ABR: variants seen among roughly 807,000 people sequenced by gnomAD.
The protein encoded by ABR is active breakpoint cluster region-related protein.
ABR carries 35 observed loss-of-function variants against 107.2 expected under a neutral mutation model. The ratio of observed to expected loss-of-function variants is 0.33; its 90% CI spans 0.25 to 0.43. The LOEUF is 0.43. Among genes scored for constraint, ABR ranks in the 20% least tolerant of loss-of-function variants. The pLI, the probability that ABR is intolerant of heterozygous loss-of-function variation, is 1.00. For missense variants in ABR, 815 were observed against 1,115.2 expected (o/e 0.73, Z 3.83); for synonymous variants, 498 against 462.0 (o/e 1.08, Z -1.00).
At chr17:1,138,956 TCAC>T (rs761710475) in intron 1 of ABR, among the ~76,000 whole-genome samples, 15 of 152,218 alleles carry the variant, frequency 9.9e-5, no homozygotes, top group Non-Finnish European at 1.8e-4. Context: ...TAAGCAGACT[TCAC>T]AAAAGTAAAA....
Position 1,179,433 on chromosome 17 carries a change from C to T in ABR, c.61+234G>A, listed in dbSNP as rs1052406753. On this transcript the variant is annotated intron_variant, in intron 1 of 22. Coordinates refer to ENST00000302538, the MANE Select transcript of ABR (RefSeq NM_021962.5). The surrounding 1 kb of genome is among the most constrained non-coding windows in gnomAD (Gnocchi z 4.9). ...GACCGCAGGAATCCTCTCTGGGGAC[C>T]CCCCGCCCGCGCCCCCCAGACCAGC... 5.9e-5 allele frequency among the ~76,000 whole-genome samples: 9 copies of T among 151,776 alleles called. No homozygotes were observed. Among genetic ancestry groups the T allele is most frequent in the Non-Finnish European group, 1.0e-4 (7 of 67,926 alleles).
intron 21 of ABR, among the ~76,000 whole-genome samples, chr17:1,008,207 G>T: frequency 6.6e-6 from 1 of 152,226 alleles, no homozygotes; most frequent in Admixed American, 6.5e-5. Flanking sequence ...GCTGCCATCA[G>T]GGCTGGTGTC....
intron 16 of ABR, among the ~76,000 whole-genome samples, chr17:1,016,671 C>T (rs1166596984): frequency 6.6e-6 from 1 of 152,040 alleles, no homozygotes; most frequent in African/African-American, 2.4e-5. Context: ...GTCTGCGCAC[C>T]CCGGGCCAAG....
At chr17:1,129,198 G>A (rs2009490) in intron 1 of ABR, among the ~76,000 whole-genome samples, 72,424 of 152,030 alleles carry the variant, frequency 0.48, 19,138 homozygotes, top group Non-Finnish European at 0.58. Context: ...AGGGCAAGGG[G>A]AGGGAGAGCA....
chr17:1,165,427 G>C (rs2151581284), intron 1 of ABR, among the ~76,000 whole-genome samples: 1 of 152,386 alleles, frequency 6.6e-6, no homozygotes, highest in African/African-American at 2.4e-5. Flanking sequence ...CCCCTGCCTG[G>C]CGCTGGGACC....
At chr17:1,115,730 G>T (rs2038954115) in intron 2 of ABR, among the ~76,000 whole-genome samples, 1 of 152,048 alleles carries the variant, frequency 6.6e-6, no homozygotes, top group Admixed American at 6.6e-5. Context: ...ATCAAGACCA[G>T]CCTGGCCAAC....
chr17:1,191,854 C>T (rs2042444566), upstream of ABR, among the ~76,000 whole-genome samples: 1 of 152,190 alleles, frequency 6.6e-6, no homozygotes, highest in Admixed American at 6.5e-5. Context: ...ACGACCGCTC[C>T]AGGAGCCACA....
At chr17:1,193,232 C>A (rs1024981727) in intron 1 of ABR, among the ~76,000 whole-genome samples, 2 of 151,938 alleles carry the variant, frequency 1.3e-5, no homozygotes, top group African/African-American at 4.8e-5. Context: ...AGCAGCTTTT[C>A]TTAGATCCAC....
intron 4 of ABR, among the ~76,000 whole-genome samples, chr17:1,086,455 G>A (rs2036596673): frequency 6.6e-6 from 1 of 151,532 alleles, no homozygotes; most frequent in South Asian, 2.1e-4. Context: ...GCTCCAAAAC[G>A]AACATGGGTT....
intron 2 of ABR, among the ~76,000 whole-genome samples, chr17:1,101,954 C>G (rs969830837): frequency 5.3e-5 from 8 of 152,080 alleles, no homozygotes; most frequent in South Asian, 2.1e-4. Flanking sequence ...AGGATGGTCT[C>G]GATCTCCTGA....
chr17:1,018,287 C>T lies in ABR; in HGVS notation c.1792-5123G>A, dbSNP rs1597385600. Among the ~76,000 whole-genome samples, 4 of 152,142 alleles carry T rather than the reference C, an allele frequency of 2.6e-5. No homozygotes were observed. In the South Asian group the frequency reaches 8.3e-4, roughly 32 times the overall value. On this transcript the variant is annotated intron_variant, in intron 16 of 22. Transcript: ENST00000302538. ...TTGATCTCCTGACCTCGTGATTCGC[C>T]CACCTCGGCCTCCCAAAGTGCTGGG...
rs923535886 is a variant in ABR, at chr17:1,150,015, G to A, written c.62-24648C>T. On this transcript the variant is annotated intron_variant, in intron 1 of 22. Transcript: ENST00000302538. This position sits in a 1 kb window ranked among gnomAD's most constrained non-coding sequence, Gnocchi z 4.8. ...AACAGGGCCTGGCACGTGGTATAAC[G>A]TTAGTGGCTGTTATTGTCGTCACTG... Among the ~76,000 whole-genome samples the A allele has an allele frequency of 1.1e-4, 16 of 152,098 alleles. No individual in the cohort carries two copies. The highest frequency in any genetic ancestry group is 3.6e-4 in the African/African-American group (15 of 41,416).
chr17:1,050,447 G>T lies in ABR; in HGVS notation c.1659+90C>A. On this transcript the variant is annotated intron_variant, in intron 15 of 22. Transcript: ENST00000302538. This position sits in a 1 kb window ranked among gnomAD's most constrained non-coding sequence, Gnocchi z 4.6. ...AGAAAGGGGGGTGCAGACATAGCTGGTCCAACCAATGGGCTGGCCGTCCCC... is the reference window on the plus strand; with the variant it reads ...AGAAAGGGGGGTGCAGACATAGCTGTTCCAACCAATGGGCTGGCCGTCCCC... The T allele has an allele frequency of 1.6e-6, 2 of 1,266,040 alleles. No individual in the cohort carries two copies. Among genetic ancestry groups the T allele is most frequent in the South Asian group, 1.2e-5 (1 of 83,694 alleles). 78.4% of individuals were successfully genotyped at this position (1,266,040 alleles called of 1,614,324 possible).
chr17:1,201,176 T>C (rs1365413941), intron 1 of ABR, among the ~76,000 whole-genome samples: 36 of 152,254 alleles, frequency 2.4e-4, no homozygotes, highest in Non-Finnish European at 4.4e-5. Context: ...ACATCAGCAA[T>C]AGCTTCACGG....
Position 1,150,225 on chromosome 17 carries a change from C to A in ABR, c.62-24858G>T, listed in dbSNP as rs1450085885. On this transcript the variant is annotated intron_variant, in intron 1 of 22. Coordinates refer to ENST00000302538, the MANE Select transcript of ABR (RefSeq NM_021962.5). The surrounding 1 kb of genome is among the most constrained non-coding windows in gnomAD (Gnocchi z 4.8). The stretch of plus-strand genomic sequence containing the variant: ...GTGTCAGAATTTTTTTTGTTACCCA[C>A]CTGACAAAGCTCTTCATCTTGCTAA... 1.3e-5 allele frequency among the ~76,000 whole-genome samples: 2 copies of A among 152,130 alleles called. No individual in the cohort carries two copies. The highest frequency in any genetic ancestry group is 4.8e-5 in the African/African-American group (2 of 41,428).
intron 16 of ABR, among the ~76,000 whole-genome samples, chr17:1,029,011 C>A (rs2072479671): frequency 6.6e-6 from 1 of 151,796 alleles, no homozygotes; most frequent in Non-Finnish European, 1.5e-5. Flanking sequence ...TCAGCCCCTT[C>A]CCATCCAAAG....
intron 1 of ABR, among the ~76,000 whole-genome samples, chr17:1,159,571 C>T (rs1477397755): frequency 1.1e-5 from 1 of 90,730 alleles, no homozygotes; most frequent in Non-Finnish European, 2.4e-5. Flanking sequence ...TACTCACACA[C>T]GGGAGAAGTA....
chr17:1,180,049 C>T (rs1414040816), upstream of ABR, among the ~76,000 whole-genome samples: 1 of 113,476 alleles, frequency 8.8e-6, no homozygotes, highest in Non-Finnish European at 1.9e-5. Context: ...GGGGGCGGGG[C>T]TTTGGTGCGG....
chr17:1,172,729 G>A (rs1249571165), intron 1 of ABR, among the ~76,000 whole-genome samples: 1 of 151,518 alleles, frequency 6.6e-6, no homozygotes, highest in African/African-American at 2.4e-5. Flanking sequence ...CAGCCTGGGT[G>A]ACAGAGCAAG....
Sources: allele counts gnomAD v4.1 joint callset (sites outside exome capture counted in the v4.1 genomes callset), GRCh38; gene constraint gnomAD v4.1.1; non-coding constraint Gnocchi (gnomAD v3.1); transcripts MANE v1.5; gene names NCBI Gene and HGNC (gene_info 2026-07-23, HGNC 2026-07-21).